DYNC2I2: variants seen among roughly 807,000 people sequenced by gnomAD.
The protein encoded by DYNC2I2 is cytoplasmic dynein 2 intermediate chain 2.
In DYNC2I2, 39 loss-of-function variants were observed where a neutral mutation model predicts 52.0. That is an observed-to-expected ratio of 0.75 (90% confidence interval 0.58 to 0.98). The LOEUF is 0.98. Among genes scored for constraint, DYNC2I2 ranks in the 50% least tolerant of loss-of-function variants. The pLI, the probability that DYNC2I2 is intolerant of heterozygous loss-of-function variation, is 0.00. For missense variants in DYNC2I2, 743 were observed against 728.4 expected, an observed-to-expected ratio of 1.02 and a Z score of -0.23; for synonymous variants, 359 against 321.1, an observed-to-expected ratio of 1.12 and a Z score of -1.26.
intron 1 of DYNC2I2, among the ~76,000 whole-genome samples, chr9:128,654,701 G>A (rs1860783340): frequency 6.6e-6 from 1 of 152,126 alleles, no homozygotes; most frequent in South Asian, 2.1e-4. Context: ...GGAAATACAG[G>A]CACAATGCCA....
the DYNC2I2 span, among the ~76,000 whole-genome samples, chr9:128,668,046 T>C: frequency 2.9e-5 from 4 of 138,132 alleles, 1 homozygote; most frequent in African/African-American, 1.1e-4. Flanking sequence ...CTGCAACTTC[T>C]GCCTCCCAGG....
rs1860832033 is a variant in DYNC2I2, at chr9:128,656,622, TGGCCGCCCCGGCCCCG to T, written c.89_104del (p.Pro30GlnfsTer89). On this transcript the variant is annotated frameshift_variant, in exon 1 of 9. Transcript: ENST00000372715. LOFTEE classifies it high-confidence loss of function. ...CCAGGGTCTCGTCCTGCAGCGGCCC[TGGCCGCCCCGGCCCCG>T]GGCCGCTCGCAACCCCGACTGTCGC... 6.7e-7 allele frequency: 1 copy of T among 1,498,258 alleles called. No homozygotes were observed. The highest frequency in any genetic ancestry group is 8.8e-7 in the Non-Finnish European group (1 of 1,131,590). 92.8% of individuals were successfully genotyped at this position (1,498,258 alleles called of 1,614,324 possible). A position where few individuals can be genotyped will look rare whatever the true frequency, so the allele number is the denominator to read the frequency against.
intron 1 of DYNC2I2, chr9:128,651,449 T>A (rs1860711989): frequency 1.8e-5 from 1 of 55,060 alleles, no homozygotes; most frequent in Non-Finnish European, 7.7e-5. Context: ...GGAGAATCGC[T>A]TAAACCCGGG....
At chr9:128,645,350 G>A (rs1860594878) in intron 1 of DYNC2I2, among the ~76,000 whole-genome samples, 1 of 151,906 alleles carries the variant, frequency 6.6e-6, no homozygotes, top group Non-Finnish European at 1.5e-5. Context: ...ACATAAATTA[G>A]CTGGGCATGG....
intron 5 of DYNC2I2, 197 bp from the exon 6 acceptor site, chr9:128,635,456 TC>T: frequency 1.3e-6 from 1 of 796,064 alleles, no homozygotes; most frequent in Non-Finnish European, 2.0e-6. Context: ...CGCTGCTCAC[TC>T]GGTGCCTGCA....
chr9:128,668,421 C>T, the DYNC2I2 span, among the ~76,000 whole-genome samples: 13 of 152,072 alleles, frequency 8.5e-5, no homozygotes, highest in African/African-American at 2.9e-4. Context: ...ATCTCCTGAC[C>T]TTGTGATCCG....
At chr9:128,656,332 T>C (rs1328671003) in intron 1 of DYNC2I2, among the ~76,000 whole-genome samples, 2 of 152,106 alleles carry the variant, frequency 1.3e-5, no homozygotes, top group Admixed American at 1.3e-4. Context: ...TTTTTGTTGT[T>C]AAAAAATGGG....
chr9:128,638,440 C>G (rs1421605017), intron 2 of DYNC2I2, among the ~76,000 whole-genome samples: 1 of 151,898 alleles, frequency 6.6e-6, no homozygotes, highest in Non-Finnish European at 1.5e-5. Flanking sequence ...TAGCTTGAAC[C>G]CAGGAGGCAG....
upstream of DYNC2I2, among the ~76,000 whole-genome samples, chr9:128,658,252 A>C: frequency 6.9e-6 from 1 of 144,444 alleles, no homozygotes; most frequent in African/African-American, 2.6e-5. Flanking sequence ...AGCAACCTCC[A>C]CCTCCCCAGT....
At chr9:128,657,854 C>G (rs949524146), upstream of DYNC2I2, among the ~76,000 whole-genome samples, 1 of 152,074 alleles carries the variant, frequency 6.6e-6, no homozygotes, top group Admixed American at 6.6e-5. Context: ...CTTTGGAAGG[C>G]CAAGGCAAGA....
chr9:128,665,685 G>A, the DYNC2I2 span, among the ~76,000 whole-genome samples: 8 of 149,920 alleles, frequency 5.3e-5, no homozygotes, highest in African/African-American at 9.9e-5. Context: ...CAGGAAAATC[G>A]CTTGAACTCG....
chr9:128,667,858 G>A, the DYNC2I2 span, among the ~76,000 whole-genome samples: 2 of 142,362 alleles, frequency 1.4e-5, no homozygotes, highest in African/African-American at 2.7e-5. Context: ...TCAGCCTCCC[G>A]AGTAGCTGGG....
intron 1 of DYNC2I2, among the ~76,000 whole-genome samples, chr9:128,655,335 T>TACAAAAAAAAAAA (rs1860796767): frequency 5.4e-5 from 1 of 18,684 alleles, no homozygotes; most frequent in Non-Finnish European, 1.1e-4. Flanking sequence ...CCGTCTCTAC[T>TACAAAAAAAAAAA]AAAAAAAAAA....
the DYNC2I2 span, among the ~76,000 whole-genome samples, chr9:128,681,336 C>T: frequency 3.8e-4 from 58 of 152,010 alleles, 1 homozygote; most frequent in African/African-American, 1.4e-3. Context: ...GGTGATCCAC[C>T]TGCCTTGGCC....
chr9:128,650,525 C>CTATATATATATATATATATA (rs1860700155), intron 1 of DYNC2I2, among the ~76,000 whole-genome samples: 2 of 28,852 alleles, frequency 6.9e-5, no homozygotes, highest in African/African-American at 1.5e-4. Context: ...AGGCCAAAGA[C>CTATATATATATATATATATA]CATATATATA....
chr9:128,647,728 T>A (rs1860642288), intron 1 of DYNC2I2, among the ~76,000 whole-genome samples: 1 of 52,138 alleles, frequency 1.9e-5, no homozygotes, highest in African/African-American at 6.9e-5. Context: ...CAAGACTCCA[T>A]CTCAAAAAAA....
chr9:128,679,844 A>G, the DYNC2I2 span, among the ~76,000 whole-genome samples: 1 of 151,946 alleles, frequency 6.6e-6, no homozygotes, highest in Admixed American at 6.6e-5. Context: ...GGGAGACCCT[A>G]TCTCAAAAAA....
intron 4 of DYNC2I2, 175 bp downstream of exon 4, chr9:128,636,106 G>A (rs766614636): frequency 1.7e-5 from 17 of 1,022,316 alleles, no homozygotes; most frequent in African/African-American, 4.8e-5. Flanking sequence ...CTCCTCCCCC[G>A]AGTTCCACCC....
chr9:128,677,954 G>C, the DYNC2I2 span, among the ~76,000 whole-genome samples: 1 of 152,112 alleles, frequency 6.6e-6, no homozygotes, highest in African/African-American at 2.4e-5. Flanking sequence ...CTGTGTTAGA[G>C]GTATACTGGC....
Sources: allele counts gnomAD v4.1 joint callset (sites outside exome capture counted in the v4.1 genomes callset), GRCh38; gene constraint gnomAD v4.1.1; transcripts MANE v1.5; gene names NCBI Gene and HGNC (gene_info 2026-07-23, HGNC 2026-07-21).